FBN2: variants seen among roughly 807,000 people sequenced by gnomAD.
The protein encoded by FBN2 is fibrillin 2.
FBN2 carries 105 observed loss-of-function variants against 355.6 expected under a neutral mutation model. That is an observed-to-expected ratio of 0.30 (90% CI 0.25 to 0.35). FBN2 has a LOEUF of 0.35. FBN2 is among the 10% of genes least tolerant of loss of function. The probability of loss-of-function intolerance (pLI) is 1.00; values close to 1 mark genes in which losing one functional copy is unlikely to be tolerated. For synonymous variants in FBN2, 1,350 were observed against 1,301.2 expected (o/e 1.04, Z -0.81); for missense variants, 3,280 against 3,758.7 (o/e 0.87, Z 3.33).
intron 2 of FBN2, among the ~76,000 whole-genome samples, chr5:128,534,269 C>A (rs1017871264): frequency 6.6e-6 from 1 of 152,030 alleles, no homozygotes; most frequent in Non-Finnish European, 1.5e-5. Context: ...AATTCATTAT[C>A]ATCAGGAAGG....
At chr5:128,534,932 C>T (rs13164781) in intron 2 of FBN2, among the ~76,000 whole-genome samples, 35,338 of 152,112 alleles carry the variant, frequency 0.23, 4,263 homozygotes, top group African/African-American at 0.29. Context: ...TCACTCCCAG[C>T]TAGTATGGCA....
chr5:128,296,170 C>T (rs1178165031), intron 48 of FBN2, among the ~76,000 whole-genome samples: 1 of 151,904 alleles, frequency 6.6e-6, no homozygotes, highest in Non-Finnish European at 1.5e-5. Context: ...ACCAGCCTTG[C>T]ATCCCAGGGA....
intron 62 of FBN2, among the ~76,000 whole-genome samples, chr5:128,266,019 T>A (rs1372645566): frequency 6.6e-6 from 1 of 152,226 alleles, no homozygotes. Context: ...TAGTGACAGA[T>A]AAAAAATGTT....
At chr5:128,424,014 T>G (rs927390104) in intron 7 of FBN2, among the ~76,000 whole-genome samples, 2 of 152,182 alleles carry the variant, frequency 1.3e-5, no homozygotes, top group Admixed American at 6.5e-5. Context: ...ATTGTGCCAA[T>G]CACTGTCATG....
chr5:128,531,425 G>A (rs1287406330), intron 2 of FBN2, among the ~76,000 whole-genome samples: 3 of 151,876 alleles, frequency 2.0e-5, no homozygotes, highest in African/African-American at 7.3e-5. Flanking sequence ...AGTGGGAGGA[G>A]GTGAGGGATA....
rs928222444 is a variant in FBN2, at chr5:128,520,583, C to T, written c.533-1215G>A. On this transcript the variant is annotated intron_variant, in intron 4 of 64. Transcript: ENST00000262464. ...AGTAGCACAGTAATGCTGCTATTTC[C>T]TTATCAGGTATGTTGAACCGGATAG... Among the ~76,000 whole-genome samples the T allele has an allele frequency of 3.3e-5, 5 of 152,118 alleles. 1 individual carries two copies. The highest frequency in any genetic ancestry group is 1.5e-5 in the Non-Finnish European group (1 of 68,024).
At chr5:128,489,350 A>G (rs1390413608) in intron 5 of FBN2, among the ~76,000 whole-genome samples, 1 of 152,170 alleles carries the variant, frequency 6.6e-6, no homozygotes, top group East Asian at 1.9e-4. Flanking sequence ...CCCACAAAAT[A>G]CTTTTGATCA....
In FBN2 at chr5:128,305,562, G is replaced by A. The variant is rs142454731; in HGVS notation, c.5623C>T (p.Arg1875Cys). ...ADCINSPGSY[R>C]CECAAGFKLS... The stretch of plus-strand genomic sequence containing the variant: ...TTGAAACCCGCGGCACATTCACAGC[G>A]GTAACTACCAGGACTATTGATGCAG... Residue 1875 changes from arginine (R) to cysteine (C), a missense_variant, in exon 44 of 65, where the codon CGC becomes TGC. By Grantham distance (180) the Arg-to-Cys change is radical (BLOSUM62 -3). Around this residue, in one of 6 missense-constraint regions of FBN2, gnomAD observed 2,284 missense variants for 2,749.5 expected, o/e 0.83. Coordinates refer to ENST00000262464, the MANE Select transcript of FBN2 (RefSeq NM_001999.4). 3.2e-5 allele frequency: 51 copies of A among 1,613,858 alleles called. No individual in the cohort carries two copies. The highest frequency in any genetic ancestry group is 3.9e-5 in the Non-Finnish European group (46 of 1,179,944).
chr5:128,292,712 G>A (rs771184431), intron 48 of FBN2, among the ~76,000 whole-genome samples: 14 of 152,096 alleles, frequency 9.2e-5, no homozygotes, highest in East Asian at 1.9e-4. Context: ...GCTCCTTGTC[G>A]TGCTCATGCT....
intron 34 of FBN2, among the ~76,000 whole-genome samples, chr5:128,320,391 G>T (rs985835319): frequency 4.6e-5 from 7 of 151,910 alleles, no homozygotes; most frequent in African/African-American, 1.7e-4. Flanking sequence ...ATTTAAAAAG[G>T]TTTGCAGAGA....
intron 8 of FBN2, among the ~76,000 whole-genome samples, chr5:128,402,434 C>A (rs1752821707): frequency 6.6e-6 from 1 of 151,928 alleles, no homozygotes; most frequent in Non-Finnish European, 1.5e-5. Flanking sequence ...CACCGAGAAA[C>A]AGGAAGTAAT....
In FBN2 at chr5:128,310,118, G is replaced by A. The variant is rs1464966073; in HGVS notation, c.5075-10C>T. 6.2e-7 allele frequency: 1 copy of A among 1,604,734 alleles called. No individual in the cohort carries two copies. Among genetic ancestry groups the A allele is most frequent in the Admixed American group, 1.7e-5 (1 of 59,926 alleles). ...AAACACTCATCAATATCTAGAGTAG[G>A]CAAGAATATCTATTAATTAATAAAT... On this transcript the variant is annotated splice_polypyrimidine_tract_variant and intron_variant, in intron 39 of 64. Transcript: ENST00000262464.
intron 45 of FBN2, 77 bp from the exon 46 acceptor site, chr5:128,303,166 A>C: frequency 1.2e-6 from 1 of 843,062 alleles, no homozygotes; most frequent in Non-Finnish European, 2.1e-6. Flanking sequence ...TATATGTTTA[A>C]CTTATGGAAT....
At chr5:128,399,539 T>G (rs989470409) in intron 8 of FBN2, among the ~76,000 whole-genome samples, 1 of 151,954 alleles carries the variant, frequency 6.6e-6, no homozygotes, top group Non-Finnish European at 1.5e-5. Context: ...AAGATCCCAA[T>G]GGAAGGTTTG....
At chr5:128,301,539 GAA>G in intron 46 of FBN2, 29 bp from the exon 47 acceptor site, 1 of 1,608,788 alleles carries the variant, frequency 6.2e-7, no homozygotes, top group East Asian at 2.2e-5. Context: ...ATGTTTTTCA[GAA>G]AGAGCTCTTA....
At chr5:128,434,492 T>A (rs911130274) in intron 7 of FBN2, among the ~76,000 whole-genome samples, 1 of 147,742 alleles carries the variant, frequency 6.8e-6, no homozygotes, top group East Asian at 2.0e-4. Flanking sequence ...TCAAGTTTTG[T>A]TACATTTTTA....
chr5:128,461,540 C>T, intron 6 of FBN2, among the ~76,000 whole-genome samples: 1 of 152,172 alleles, frequency 6.6e-6, no homozygotes, highest in Non-Finnish European at 1.5e-5. Context: ...TACTATAAGA[C>T]ACATGCACAC....
At chr5:128,290,921 T>G (rs774826044) in intron 49 of FBN2, 37 bp from the exon 50 acceptor site, 2 of 1,587,912 alleles carry the variant, frequency 1.3e-6, no homozygotes, top group African/African-American at 2.7e-5. Context: ...TGGAATTATT[T>G]TGTAACACTG....
At chr5:128,274,051 T>C (rs1361092565) in intron 60 of FBN2, 83 bp from the exon 61 acceptor site, 14 of 1,519,404 alleles carry the variant, frequency 9.2e-6, no homozygotes, top group East Asian at 9.0e-5. Flanking sequence ...AAGCAATGTA[T>C]GAAAACCTAA....
Sources: allele counts gnomAD v4.1 joint callset (sites outside exome capture counted in the v4.1 genomes callset), GRCh38; gene constraint gnomAD v4.1.1; regional missense constraint gnomAD v4.1.1; transcripts MANE v1.5; gene names NCBI Gene and HGNC (gene_info 2026-07-23, HGNC 2026-07-21).